Variants in NCAM2 observed in about 807,000 individuals in gnomAD.
The protein encoded by NCAM2 is N-CAM-2.
A neutral mutation model predicts 98.1 loss-of-function variants in NCAM2; 30 were observed. The observed-to-expected ratio is 0.31, with a 90% CI of 0.23 to 0.41. The LOEUF (loss-of-function observed/expected upper bound fraction) is 0.41. NCAM2 is among the 10% of genes least tolerant of loss of function. The pLI is 1.00. For synonymous variants in NCAM2, 368 were observed against 342.4 expected (o/e 1.07, Z -0.83); for missense variants, 867 against 1,005.8 (o/e 0.86, Z 1.87).
intron 12 of NCAM2, among the ~76,000 whole-genome samples, chr21:21,440,875 T>C (rs1979157708): frequency 6.6e-6 from 1 of 152,214 alleles, no homozygotes; most frequent in South Asian, 2.1e-4. Context: ...GTAAACATTT[T>C]AGATGAATTT....
chr21:21,047,465 G>T (rs188779068), intron 1 of NCAM2, among the ~76,000 whole-genome samples: 173 of 152,160 alleles, frequency 1.1e-3, no homozygotes, highest in Admixed American at 3.0e-3. Context: ...TAAAGGTACA[G>T]ATATGTTGAT....
At chr21:21,265,429 G>T (rs1302833969) in intron 1 of NCAM2, among the ~76,000 whole-genome samples, 6 of 59,500 alleles carry the variant, frequency 1.0e-4, no homozygotes, top group Admixed American at 4.6e-4. Context: ...ATATATGTGT[G>T]TATATATATT....
chr21:21,343,970 T>C (rs1251256068), intron 8 of NCAM2, among the ~76,000 whole-genome samples: 1 of 152,062 alleles, frequency 6.6e-6, no homozygotes, highest in South Asian at 2.1e-4. Flanking sequence ...CTGCACAGCT[T>C]GTGGCTCCAA....
intron 1 of NCAM2, among the ~76,000 whole-genome samples, chr21:21,044,367 A>G (rs1240284680): frequency 2.0e-5 from 3 of 152,172 alleles, no homozygotes. Flanking sequence ...AAGACTGTGG[A>G]AGATCTTGAA....
At chr21:21,405,696 A>G (rs979103968) in intron 9 of NCAM2, among the ~76,000 whole-genome samples, 1 of 44,650 alleles carries the variant, frequency 2.2e-5, no homozygotes, top group Admixed American at 3.3e-4. Flanking sequence ...CTTAATCACA[A>G]CTGTGCTAGG....
intron 1 of NCAM2, among the ~76,000 whole-genome samples, chr21:21,018,151 T>C (rs1268337108): frequency 6.6e-6 from 1 of 152,220 alleles, no homozygotes; most frequent in Non-Finnish European, 1.5e-5. Context: ...GTTTAATTTC[T>C]CAAGACTACA....
At chr21:21,454,839 T>C (rs1015648982) in intron 12 of NCAM2, among the ~76,000 whole-genome samples, 2 of 151,926 alleles carry the variant, frequency 1.3e-5, no homozygotes, top group African/African-American at 4.8e-5. Flanking sequence ...GTAGCAGATA[T>C]GAAGTATTCA....
At chr21:21,306,753 T>C (rs1270196192) in intron 5 of NCAM2, among the ~76,000 whole-genome samples, 1 of 152,158 alleles carries the variant, frequency 6.6e-6, no homozygotes, top group Non-Finnish European at 1.5e-5. Flanking sequence ...TTATTGACTA[T>C]AGTCACCCTG....
intron 15 of NCAM2, among the ~76,000 whole-genome samples, chr21:21,506,724 C>T (rs1490218044): frequency 6.6e-6 from 1 of 152,062 alleles, no homozygotes; most frequent in Non-Finnish European, 1.5e-5. Context: ...TTCCCGGATA[C>T]TAGCTAAGCA....
At chr21:21,257,266 G>C (rs1272738483) in intron 1 of NCAM2, among the ~76,000 whole-genome samples, 1 of 152,284 alleles carries the variant, frequency 6.6e-6, no homozygotes, top group East Asian at 1.9e-4. Context: ...ACAAAGGCTG[G>C]TCACTGAAGT....
intron 6 of NCAM2, among the ~76,000 whole-genome samples, chr21:21,333,560 A>G (rs1426161707): frequency 6.6e-6 from 1 of 152,196 alleles, no homozygotes; most frequent in Non-Finnish European, 1.5e-5. Context: ...TGAAGTAAGG[A>G]GATAACCCTC....
chr21:21,139,095 C>T (rs1033260878), intron 1 of NCAM2, among the ~76,000 whole-genome samples: 3 of 152,068 alleles, frequency 2.0e-5, no homozygotes, highest in Admixed American at 6.5e-5. Context: ...GAGAGAATCC[C>T]GGATTCTCTG....
rs1816871 is a variant in NCAM2 at position 21,345,235 on chromosome 21, G to A, written c.1044+6701G>A. 4.6e-5 allele frequency among the ~76,000 whole-genome samples: 7 copies of A among 152,080 alleles called. No homozygotes were observed. The East Asian group carries it at 1.2e-3, about 25-fold the overall frequency. ...CCCAGACACTGAAGAACATCTACTA[G>A]CATTAACACCATCCGGGAAAGCATG... On this transcript the variant is annotated intron_variant, in intron 8 of 17. Coordinates refer to ENST00000400546, the MANE Select transcript of NCAM2 (RefSeq NM_004540.5).
At chr21:21,275,806 A>C (rs1330008501) in intron 1 of NCAM2, among the ~76,000 whole-genome samples, 1 of 152,112 alleles carries the variant, frequency 6.6e-6, no homozygotes, top group Non-Finnish European at 1.5e-5. Flanking sequence ...ATCTCCCTTC[A>C]TTCAATTTGT....
chr21:21,524,843 A>T (rs1387337532), intron 16 of NCAM2, among the ~76,000 whole-genome samples: 3 of 152,170 alleles, frequency 2.0e-5, no homozygotes, highest in Admixed American at 6.5e-5. Flanking sequence ...ATTATACTAC[A>T]AATAAATAAA....
intron 5 of NCAM2, among the ~76,000 whole-genome samples, chr21:21,316,904 A>G (rs994161899): frequency 5.3e-5 from 8 of 152,198 alleles, no homozygotes; most frequent in Admixed American, 2.6e-4. Context: ...TCCTTGGACC[A>G]TTAGCACATA....
intron 1 of NCAM2, among the ~76,000 whole-genome samples, chr21:21,051,851 G>A (rs2065114817): frequency 1.3e-5 from 2 of 152,032 alleles, no homozygotes; most frequent in Admixed American, 1.3e-4. Context: ...CTCTGTAACT[G>A]ATATTTCTGA....
At chr21:21,331,422 G>A (rs1387900408) in intron 6 of NCAM2, among the ~76,000 whole-genome samples, 1 of 134,270 alleles carries the variant, frequency 7.4e-6, no homozygotes, top group Non-Finnish European at 1.6e-5. Flanking sequence ...ACAGGAGTGA[G>A]CCACTGTGCC....
At chr21:21,473,959 T>A (rs1307829627) in intron 14 of NCAM2, among the ~76,000 whole-genome samples, 3 of 151,806 alleles carry the variant, frequency 2.0e-5, no homozygotes, top group Non-Finnish European at 4.4e-5. Context: ...AAATGACCAT[T>A]TTTTTTCAGT....
Sources: gnomAD v4.1 joint callset for allele counts (sites outside exome capture counted in the v4.1 genomes callset) on GRCh38, gnomAD v4.1.1 for gene constraint, MANE v1.5 for transcripts, NCBI Gene and HGNC (gene_info 2026-07-23, HGNC 2026-07-21) for gene names.